Variants in PDZRN4 observed in about 807,000 individuals in gnomAD.
The protein encoded by PDZRN4 is PDZ domain-containing RING finger protein 4.
A neutral mutation model predicts 99.0 loss-of-function variants in PDZRN4; 70 were observed. The ratio of observed to expected loss-of-function variants is 0.71; its 90% confidence interval spans 0.58 to 0.86. The LOEUF (loss-of-function observed/expected upper bound fraction) is 0.86. PDZRN4 is among the 40% of genes least tolerant of loss of function. PDZRN4 has a pLI of 0.00. For missense variants in PDZRN4, 1,474 were observed against 1,331.2 expected, an observed-to-expected ratio of 1.11 and a Z score of -1.67; for synonymous variants, 551 against 501.6, an observed-to-expected ratio of 1.10 and a Z score of -1.32.
At chr12:41,386,099 C>T (rs57638447) in intron 3 of PDZRN4, among the ~76,000 whole-genome samples, 9,935 of 152,102 alleles carry the variant, frequency 0.065, 804 homozygotes, top group East Asian at 0.18. Context: ...GAAAAGTCTT[C>T]GATAAAATTC....
At chr12:41,247,472 G>A (rs1262386209) in intron 3 of PDZRN4, among the ~76,000 whole-genome samples, 1 of 152,154 alleles carries the variant, frequency 6.6e-6, no homozygotes, top group Non-Finnish European at 1.5e-5. Flanking sequence ...TAAGTTGATT[G>A]ATTGTTGATT....
chr12:41,571,724 G>T (rs1939484274), intron 9 of PDZRN4, among the ~76,000 whole-genome samples: 1 of 152,152 alleles, frequency 6.6e-6, no homozygotes, highest in Admixed American at 6.5e-5. Flanking sequence ...GGAAGATGAA[G>T]CTTTGCCTCC....
intron 3 of PDZRN4, among the ~76,000 whole-genome samples, chr12:41,431,778 G>A (rs1952588219): frequency 6.6e-6 from 1 of 152,210 alleles, no homozygotes; most frequent in Admixed American, 6.5e-5. Context: ...TTCAACTAGT[G>A]AACACAGTGA....
intron 3 of PDZRN4, among the ~76,000 whole-genome samples, chr12:41,380,087 A>G (rs1952113143): frequency 6.6e-6 from 1 of 151,944 alleles, no homozygotes; most frequent in African/African-American, 2.4e-5. Flanking sequence ...CTTTAATATT[A>G]TATATTTACC....
intron 3 of PDZRN4, among the ~76,000 whole-genome samples, chr12:41,403,052 G>A (rs751506430): frequency 3.9e-5 from 6 of 152,070 alleles, no homozygotes; most frequent in Non-Finnish European, 8.8e-5. Flanking sequence ...AAAAAGGGAA[G>A]CCATAATAAC....
In PDZRN4 at chr12:41,506,176, G is replaced by A. The variant is rs557399048; in HGVS notation, c.844-280G>A. Reference sequence around the variant, plus strand: ...TCGGTGACCCTTTTCTGAAGCAGATGTGTTACTTAAATTTTTAAATCTTTG... The same window carrying A: ...TCGGTGACCCTTTTCTGAAGCAGATATGTTACTTAAATTTTTAAATCTTTG... On this transcript the variant is annotated intron_variant, in intron 3 of 9. Transcript: ENST00000402685. Among the ~76,000 whole-genome samples, 3 of 152,018 alleles carry A rather than the reference G, an allele frequency of 2.0e-5. No individual in the cohort carries two copies. The East Asian group carries it at 5.8e-4, about 30-fold the overall frequency.
At chr12:41,491,453 TG>T (rs1937884727) in intron 3 of PDZRN4, among the ~76,000 whole-genome samples, 1 of 152,018 alleles carries the variant, frequency 6.6e-6, no homozygotes, top group South Asian at 2.1e-4. Flanking sequence ...ACCTGTGAGG[TG>T]GAGGTTGCAG....
At chr12:41,223,506 A>G (rs1051872599) in intron 3 of PDZRN4, among the ~76,000 whole-genome samples, 2 of 152,242 alleles carry the variant, frequency 1.3e-5, no homozygotes, top group Admixed American at 6.5e-5. Context: ...GACACAGAAT[A>G]CATTGATTGT....
intron 3 of PDZRN4, among the ~76,000 whole-genome samples, chr12:41,337,308 C>T (rs982060495): frequency 2.6e-5 from 4 of 151,958 alleles, no homozygotes; most frequent in African/African-American, 7.3e-5. Context: ...TTTCTCCACT[C>T]GAGAAATGGG....
intron 3 of PDZRN4, among the ~76,000 whole-genome samples, chr12:41,332,882 T>G (rs1361533399): frequency 6.6e-6 from 1 of 152,056 alleles, no homozygotes; most frequent in African/African-American, 2.4e-5. Context: ...CTATTGCAAG[T>G]TCAGTGGGAG....
chr12:41,458,220 C>T (rs777774486), intron 3 of PDZRN4, among the ~76,000 whole-genome samples: 1 of 152,110 alleles, frequency 6.6e-6, no homozygotes, highest in African/African-American at 2.4e-5. Context: ...TGCAATGGCA[C>T]AATCTCGACT....
At chr12:41,446,417 A>C (rs1274670275) in intron 3 of PDZRN4, among the ~76,000 whole-genome samples, 1 of 152,046 alleles carries the variant, frequency 6.6e-6, no homozygotes, top group Non-Finnish European at 1.5e-5. Flanking sequence ...AGAATTTCCA[A>C]ACTACTTAGT....
chr12:41,254,643 G>T (rs1041796267), intron 3 of PDZRN4, among the ~76,000 whole-genome samples: 1 of 152,238 alleles, frequency 6.6e-6, no homozygotes, highest in Non-Finnish European at 1.5e-5. Context: ...AGACAAGACA[G>T]ATCCTCTGCA....
At chr12:41,244,606 C>CT (rs1951121464) in intron 3 of PDZRN4, among the ~76,000 whole-genome samples, 1 of 152,002 alleles carries the variant, frequency 6.6e-6, no homozygotes. Context: ...AGACTCCCGC[C>CT]TCAGAGTGTT....
At chr12:41,547,616 C>T (rs1162511496) in intron 5 of PDZRN4, among the ~76,000 whole-genome samples, 2 of 152,050 alleles carry the variant, frequency 1.3e-5, no homozygotes, top group Non-Finnish European at 2.9e-5. Flanking sequence ...CAGAGTGAGA[C>T]TCTGTCTCAA....
chr12:41,567,086 A>G (rs949342503), intron 8 of PDZRN4, among the ~76,000 whole-genome samples: 4 of 152,210 alleles, frequency 2.6e-5, no homozygotes, highest in African/African-American at 4.8e-5. Flanking sequence ...AAAACCCTGC[A>G]TGCCCCACAC....
At chr12:41,276,773 TA>T (rs1201454823) in intron 3 of PDZRN4, among the ~76,000 whole-genome samples, 1 of 152,202 alleles carries the variant, frequency 6.6e-6, no homozygotes, top group African/African-American at 2.4e-5. Flanking sequence ...CTAATGTATG[TA>T]AAGTACTAAG....
At chr12:41,273,266 G>A (rs577519989) in intron 3 of PDZRN4, among the ~76,000 whole-genome samples, 1 of 152,030 alleles carries the variant, frequency 6.6e-6, no homozygotes, top group Admixed American at 6.6e-5. Context: ...TAGAAGGAAA[G>A]CAAGTTATAA....
At chr12:41,476,777 C>T (rs1172523182) in intron 3 of PDZRN4, among the ~76,000 whole-genome samples, 3 of 152,204 alleles carry the variant, frequency 2.0e-5, no homozygotes, top group South Asian at 2.1e-4. Context: ...GGTTCCCATG[C>T]CTGCCTGGCG....
Sources: gnomAD v4.1 joint callset for allele counts (sites outside exome capture counted in the v4.1 genomes callset) on GRCh38, gnomAD v4.1.1 for gene constraint, MANE v1.5 for transcripts, NCBI Gene and HGNC (gene_info 2026-07-23, HGNC 2026-07-21) for gene names.